FHIT: variants seen among roughly 807,000 people sequenced by gnomAD.
The protein encoded by FHIT is fragile histidine triad diadenosine triphosphatase.
In FHIT, 19 loss-of-function variants were observed where a neutral mutation model predicts 17.9. That is an observed-to-expected ratio of 1.06 (90% CI 0.74 to 1.56). The LOEUF is 1.56. Ranked by LOEUF, FHIT falls within the 40% of genes most tolerant of loss-of-function variation. The probability of loss-of-function intolerance (pLI) is 0.00; values close to 1 mark genes in which losing one functional copy is unlikely to be tolerated. For synonymous variants in FHIT, 81 were observed against 69.7 expected (o/e 1.16, Z -0.81); for missense variants, 248 against 189.2 (o/e 1.31, Z -1.82).
chr3:60,915,576 G>A (rs1239866761), intron 3 of FHIT, among the ~76,000 whole-genome samples: 1 of 152,066 alleles, frequency 6.6e-6, no homozygotes, highest in Non-Finnish European at 1.5e-5. Flanking sequence ...AGAAGCATTG[G>A]AAGAAAGTGT....
chr3:60,283,116 G>A (rs573706655), intron 5 of FHIT, among the ~76,000 whole-genome samples: 1 of 152,196 alleles, frequency 6.6e-6, no homozygotes, highest in Non-Finnish European at 1.5e-5. Flanking sequence ...CTCTGTTCAT[G>A]TTCTCCAGTA....
chr3:60,402,931 T>C (rs1701718034), intron 5 of FHIT, among the ~76,000 whole-genome samples: 1 of 152,200 alleles, frequency 6.6e-6, no homozygotes, highest in Admixed American at 6.5e-5. Context: ...CTTGGAACAA[T>C]TACCTACTTT....
chr3:60,650,249 C>T (rs980059269), intron 4 of FHIT, among the ~76,000 whole-genome samples: 1 of 152,186 alleles, frequency 6.6e-6, no homozygotes, highest in Non-Finnish European at 1.5e-5. Context: ...AGAACACATG[C>T]CTCTCACTCA....
intron 2 of FHIT, among the ~76,000 whole-genome samples, chr3:61,082,348 C>G (rs985343033): frequency 1.3e-5 from 2 of 152,206 alleles, no homozygotes; most frequent in African/African-American, 4.8e-5. Flanking sequence ...ACATTCAGCA[C>G]ATGCTTTTGT....
chr3:60,709,861 A>G (rs898955312), intron 4 of FHIT, among the ~76,000 whole-genome samples: 3 of 152,320 alleles, frequency 2.0e-5, no homozygotes, highest in African/African-American at 7.2e-5. Context: ...CACTTTGTGC[A>G]TTTTAAAGAA....
chr3:60,651,751 C>T (rs912922662), intron 4 of FHIT, among the ~76,000 whole-genome samples: 1 of 152,034 alleles, frequency 6.6e-6, no homozygotes, highest in Admixed American at 6.6e-5. Context: ...CTGCTCATTC[C>T]AAGCATTAGA....
chr3:59,839,511 G>C (rs1002908459), intron 8 of FHIT, among the ~76,000 whole-genome samples: 6 of 152,036 alleles, frequency 3.9e-5, no homozygotes, highest in African/African-American at 1.4e-4. Context: ...TGTTGTACCC[G>C]GTAAGTACTT....
intron 5 of FHIT, among the ~76,000 whole-genome samples, chr3:60,114,655 A>C (rs1388974684): frequency 6.6e-6 from 1 of 151,734 alleles, no homozygotes; most frequent in Non-Finnish European, 1.5e-5. Flanking sequence ...CACCAAGTCC[A>C]GCTAATTTTT....
chr3:61,171,574 T>A (rs776510888), intron 2 of FHIT, among the ~76,000 whole-genome samples: 9 of 152,272 alleles, frequency 5.9e-5, no homozygotes, highest in Non-Finnish European at 8.8e-5. Flanking sequence ...CATAGACTAT[T>A]TATTCAACTT....
intron 5 of FHIT, among the ~76,000 whole-genome samples, chr3:60,334,738 G>T (rs2106870032): frequency 6.6e-6 from 1 of 152,332 alleles, no homozygotes; most frequent in South Asian, 2.1e-4. Context: ...AGTGAGCTGA[G>T]ACCACGCCAC....
intron 5 of FHIT, among the ~76,000 whole-genome samples, chr3:60,384,490 C>G (rs1700928889): frequency 6.6e-6 from 1 of 151,850 alleles, no homozygotes; most frequent in African/African-American, 2.4e-5. Flanking sequence ...GTATGTTTTT[C>G]TTTCTCTCAC....
chr3:60,341,592 T>C (rs1710519152), intron 5 of FHIT, among the ~76,000 whole-genome samples: 1 of 152,156 alleles, frequency 6.6e-6, no homozygotes, highest in Non-Finnish European at 1.5e-5. Flanking sequence ...CTGCTCTCCC[T>C]CTTGATTTTT....
intron 3 of FHIT, among the ~76,000 whole-genome samples, chr3:60,924,209 A>G (rs1259810728): frequency 3.9e-5 from 6 of 152,224 alleles, no homozygotes; most frequent in Admixed American, 3.3e-4. Context: ...TGAAGAGAGT[A>G]GTGATTCTCC....
At chr3:60,796,695 C>A (rs547756079) in intron 4 of FHIT, among the ~76,000 whole-genome samples, 3 of 152,246 alleles carry the variant, frequency 2.0e-5, no homozygotes, top group African/African-American at 4.8e-5. Context: ...AATTCCCCTG[C>A]CTCAGCCTCC....
chr3:60,116,131 T>C (rs1704949927), intron 5 of FHIT, among the ~76,000 whole-genome samples: 1 of 152,134 alleles, frequency 6.6e-6, no homozygotes, highest in East Asian at 1.9e-4. Context: ...TAAGGTGTTA[T>C]GACAAAGAAA....
intron 5 of FHIT, among the ~76,000 whole-genome samples, chr3:60,523,927 A>C (rs2035473548): frequency 6.6e-6 from 1 of 152,218 alleles, no homozygotes; most frequent in Non-Finnish European, 1.5e-5. Flanking sequence ...ATCCTGGTTG[A>C]CACTATGTTA....
chr3:60,739,100 C>T (rs2042192139), intron 4 of FHIT, among the ~76,000 whole-genome samples: 1 of 152,154 alleles, frequency 6.6e-6, no homozygotes, highest in African/African-American at 2.4e-5. Flanking sequence ...AGGGGAAGAT[C>T]ATCTTCCCAT....
intron 3 of FHIT, among the ~76,000 whole-genome samples, chr3:60,952,996 T>C (rs1553777676): frequency 6.6e-6 from 1 of 152,212 alleles, no homozygotes; most frequent in Non-Finnish European, 1.5e-5. Context: ...CTATCTTATA[T>C]TCATTTAAGT....
intron 3 of FHIT, among the ~76,000 whole-genome samples, chr3:61,014,808 A>AAAAAAAAT (rs1156410696): frequency 0.11 from 3,038 of 26,836 alleles, 352 homozygotes; most frequent in Non-Finnish European, 0.15. Context: ...AAAAAAAAAA[A>AAAAAAAAT]TATATATATA....
Sources: gnomAD v4.1 joint callset for allele counts (sites outside exome capture counted in the v4.1 genomes callset) on GRCh38, gnomAD v4.1.1 for gene constraint, MANE v1.5 for transcripts, NCBI Gene and HGNC (gene_info 2026-07-23, HGNC 2026-07-21) for gene names.